Variants in SNX29 observed in about 807,000 individuals in gnomAD.
SNX29 encodes the protein sorting nexin-29.
Under a neutral mutation model 102.1 loss-of-function variants are expected in SNX29, and 78 were observed. That is an observed-to-expected ratio of 0.76 (90% CI 0.64 to 0.92). The LOEUF (loss-of-function observed/expected upper bound fraction) is 0.92. Ranked by LOEUF, SNX29 falls within the 40% of genes least tolerant of loss-of-function variation. SNX29 has a pLI of 0.00. For synonymous variants in SNX29, 580 were observed against 414.5 expected (o/e 1.40, Z -4.85); for missense variants, 1,280 against 1,061.7 (o/e 1.21, Z -2.86).
intron 20 of SNX29, among the ~76,000 whole-genome samples, chr16:12,551,190 G>T (rs1319839763): frequency 1.3e-5 from 2 of 152,014 alleles, no homozygotes; most frequent in African/African-American, 4.8e-5. Flanking sequence ...CTTCCCCACA[G>T]AGAGCCTTTA....
intron 14 of SNX29, among the ~76,000 whole-genome samples, chr16:12,262,028 C>CTG (rs1344745458): frequency 7.1e-6 from 1 of 141,490 alleles, no homozygotes; most frequent in East Asian, 2.2e-4. Context: ...GAGCTCGGGT[C>CTG]TGTGTGCACG....
chr16:12,065,817 G>A (rs2051008673), intron 9 of SNX29, among the ~76,000 whole-genome samples: 1 of 152,170 alleles, frequency 6.6e-6, no homozygotes, highest in African/African-American at 2.4e-5. Flanking sequence ...ATGCTAAAGT[G>A]GGTACAGGCT....
intron 16 of SNX29, among the ~76,000 whole-genome samples, chr16:12,385,350 G>A (rs1289334120): frequency 6.6e-6 from 1 of 152,254 alleles, no homozygotes; most frequent in African/African-American, 2.4e-5. Flanking sequence ...GCAGCAGGAA[G>A]TGAATCCTGA....
intron 18 of SNX29, among the ~76,000 whole-genome samples, chr16:12,412,316 CTCTG>C (rs1173799399): frequency 6.6e-6 from 1 of 152,196 alleles, no homozygotes; most frequent in East Asian, 1.9e-4. Flanking sequence ...TGCCTCATGC[CTCTG>C]TCTGCTCCAC....
chr16:12,504,580 C>T (rs1024198324), intron 19 of SNX29, among the ~76,000 whole-genome samples: 14 of 152,206 alleles, frequency 9.2e-5, no homozygotes, highest in African/African-American at 3.4e-4. Flanking sequence ...AGTAACCCCC[C>T]TTATCCAAGG....
chr16:12,136,746 T>C (rs116890661), intron 13 of SNX29, among the ~76,000 whole-genome samples: 1,983 of 151,846 alleles, frequency 0.013, 18 homozygotes, highest in Middle Eastern at 0.024. Context: ...TTGTTATTGT[T>C]GTTGTTGTTT....
At chr16:12,258,825 G>C (rs960559895) in intron 14 of SNX29, among the ~76,000 whole-genome samples, 1 of 152,126 alleles carries the variant, frequency 6.6e-6, no homozygotes, top group South Asian at 2.1e-4. Flanking sequence ...TGTGGAGAGC[G>C]TTGTTATTTT....
chr16:12,021,153 G>A (rs1291012079), intron 3 of SNX29, among the ~76,000 whole-genome samples: 1 of 152,194 alleles, frequency 6.6e-6, no homozygotes, highest in Non-Finnish European at 1.5e-5. Context: ...ATTGCCGGTT[G>A]TGGTGGTTCA....
chr16:12,102,945 C>A (rs1213283831), intron 11 of SNX29, among the ~76,000 whole-genome samples: 2 of 152,184 alleles, frequency 1.3e-5, no homozygotes, highest in Non-Finnish European at 2.9e-5. Flanking sequence ...AGTGAACTCC[C>A]ATTCATAATT....
chr16:12,102,933 C>T (rs370768338), intron 11 of SNX29, among the ~76,000 whole-genome samples: 39 of 152,222 alleles, frequency 2.6e-4, no homozygotes, highest in Middle Eastern at 3.4e-3. Flanking sequence ...AGCCAAATCA[C>T]GAGTGAACTC....
At chr16:12,523,594 A>G (rs943127140) in intron 19 of SNX29, among the ~76,000 whole-genome samples, 26 of 152,236 alleles carry the variant, frequency 1.7e-4, no homozygotes, top group African/African-American at 5.8e-4. Context: ...CCCTGGTTCC[A>G]AATTAATGAG....
intron 18 of SNX29, among the ~76,000 whole-genome samples, chr16:12,467,886 G>C (rs1228734552): frequency 2.6e-5 from 4 of 152,174 alleles, no homozygotes; most frequent in Non-Finnish European, 5.9e-5. Flanking sequence ...CACGGAGTGA[G>C]GGGATAGGCA....
intron 19 of SNX29, among the ~76,000 whole-genome samples, chr16:12,506,337 C>T (rs907083582): frequency 3.3e-5 from 5 of 152,272 alleles, no homozygotes; most frequent in East Asian, 1.9e-4. Flanking sequence ...TTGAATCCTG[C>T]GCCTGTCCCT....
At position 12,570,337 on chromosome 16, in the gene SNX29, C is replaced by A. The variant is rs1471300810; in HGVS notation, c.*1708C>A. The A allele has an allele frequency of 6.8e-6, 5 of 740,690 alleles. No individual in the cohort carries two copies. The highest frequency in any genetic ancestry group is 8.6e-6 in the Non-Finnish European group (5 of 582,390). 45.9% of individuals were successfully genotyped at this position (740,690 alleles called of 1,614,324 possible). ...CCTGTAAAGGCAACTTGGTCTCCCT[C>A]CCACTCACCTGCCAACATTGCTGCA... On this transcript the variant is annotated 3_prime_UTR_variant, in exon 21 of 21. Transcript: ENST00000566228.
intron 13 of SNX29, among the ~76,000 whole-genome samples, chr16:12,150,586 C>T (rs1214243533): frequency 6.6e-6 from 1 of 152,182 alleles, no homozygotes; most frequent in Non-Finnish European, 1.5e-5. Context: ...CAACCTGAGC[C>T]CTGTGGCAGG....
Position 12,376,769 on chromosome 16 carries a change from A to G in SNX29, c.1899+20490A>G, listed in dbSNP as rs532592506. ...AAAAAAAAAAAAAAAGAACAATTCT[A>G]TGGCAGGAGTTTCTGCAGACTGACT... On this transcript the variant is annotated intron_variant, in intron 16 of 20. Transcript: ENST00000566228. Among the ~76,000 whole-genome samples, 19 of 147,304 alleles carry G rather than the reference A, an allele frequency of 1.3e-4. No individual in the cohort carries two copies. In the East Asian group the frequency reaches 1.4e-3, roughly 11 times the overall value.
intron 20 of SNX29, among the ~76,000 whole-genome samples, chr16:12,562,007 C>T (rs906972268): frequency 5.3e-5 from 8 of 152,276 alleles, no homozygotes; most frequent in Admixed American, 3.9e-4. Context: ...ACCCTGCAAC[C>T]CAGGAGGCCT....
At chr16:12,440,833 C>T (rs868729850) in intron 18 of SNX29, among the ~76,000 whole-genome samples, 6 of 152,124 alleles carry the variant, frequency 3.9e-5, no homozygotes, top group East Asian at 3.9e-4. Context: ...CTTTAACCAG[C>T]GTATCATCGA....
intron 16 of SNX29, among the ~76,000 whole-genome samples, chr16:12,365,267 C>G (rs776748494): frequency 2.0e-5 from 3 of 151,754 alleles, no homozygotes; most frequent in Non-Finnish European, 4.4e-5. Flanking sequence ...GCCCATTCTT[C>G]ATCTGCGAAG....
Sources: allele counts gnomAD v4.1 joint callset (sites outside exome capture counted in the v4.1 genomes callset), GRCh38; gene constraint gnomAD v4.1.1; transcripts MANE v1.5; gene names NCBI Gene and HGNC (gene_info 2026-07-23, HGNC 2026-07-21).